WNK1: variants seen among roughly 807,000 people sequenced by gnomAD.
The protein encoded by WNK1 is serine/threonine-protein kinase WNK1.
In WNK1, 38 loss-of-function variants were observed where a neutral mutation model predicts 222.8. The ratio of observed to expected loss-of-function variants is 0.17; its 90% CI spans 0.13 to 0.22. The LOEUF (loss-of-function observed/expected upper bound fraction) is 0.22, where lower values mean the gene tolerates loss of function less well. WNK1 is among the 10% of genes least tolerant of loss of function. The pLI, the probability that WNK1 is intolerant of heterozygous loss-of-function variation, is 1.00. For missense variants in WNK1, 2,348 were observed against 2,918.4 expected, an observed-to-expected ratio of 0.80 and a Z score of 4.50; for synonymous variants, 1,090 against 1,092.9, an observed-to-expected ratio of 1.00 and a Z score of 0.05.
Position 753,525 on chromosome 12 carries a change from C to T in WNK1, c.-41C>T. ...CTCGGCCCTTCACGCCCTTTTCGTT[C>T]ACGAATCCGAGCCCGCTCGCCTCTC... On this transcript the variant is annotated 5_prime_UTR_variant, in exon 1 of 28. Transcript: ENST00000315939. The surrounding 1 kb of genome is among the most constrained non-coding windows in gnomAD (Gnocchi z 5.2). 6.2e-7 allele frequency: 1 copy of T among 1,610,398 alleles called. No homozygotes were observed. Among genetic ancestry groups the T allele is most frequent in the Non-Finnish European group, 8.5e-7 (1 of 1,179,580 alleles).
chr12:776,257 A>G (rs1042123212), intron 1 of WNK1, among the ~76,000 whole-genome samples: 2 of 151,276 alleles, frequency 1.3e-5, no homozygotes, highest in African/African-American at 2.4e-5. Context: ...CTGGTCTCCA[A>G]CTCTTGGCCA....
At chr12:803,024 A>C (rs1013415356) in intron 1 of WNK1, among the ~76,000 whole-genome samples, 4 of 152,242 alleles carry the variant, frequency 2.6e-5, no homozygotes, top group Admixed American at 6.5e-5. Flanking sequence ...GGGACATCAC[A>C]CAAAAAAGAA....
intron 10 of WNK1, 96 bp from the exon 11 acceptor site, chr12:879,477 T>TTGGCTAATACATAAA: frequency 1.5e-5 from 12 of 782,206 alleles, no homozygotes; most frequent in Admixed American, 1.2e-4. Flanking sequence ...TTCCTTCTTT[T>TTGGCTAATACATAAA]TGGCTAATAC....
chr12:791,567 A>C (rs1944844871), intron 1 of WNK1, among the ~76,000 whole-genome samples: 1 of 152,092 alleles, frequency 6.6e-6, no homozygotes, highest in South Asian at 2.1e-4. Flanking sequence ...TTTTTAAAAA[A>C]AAAAAAACTA....
In WNK1 at chr12:883,544, T is replaced by A. The variant is rs1193267262; in HGVS notation, c.3639T>A (p.Asp1213Glu). ...GATTGGAGAGTCTACAAGGAAAGGA[T>A]GACTATGGCTTTTCAGGTTCTCAGG... ...DQGLESLQGKDDYGFSGSQKL... is the reference protein window; with the variant it reads ...DQGLESLQGKEDYGFSGSQKL... The change falls in exon 16 of 28, where the codon GAT (aspartate) becomes GAA (glutamate). Residue 1213 changes from aspartate to glutamate, a missense_variant. Physicochemically the swap from Asp to Glu is conservative, Grantham distance 45. Around this residue, in one of 13 missense-constraint regions of WNK1, gnomAD observed 1,144 missense variants for 1,273.6 expected, o/e 0.90. Coordinates refer to ENST00000315939, the MANE Select transcript of WNK1 (RefSeq NM_018979.4). The A allele has an allele frequency of 6.2e-7, 1 of 1,614,178 alleles. No homozygotes were observed. The highest frequency in any genetic ancestry group is 1.3e-5 in the African/African-American group (1 of 75,048).
intron 1 of WNK1, among the ~76,000 whole-genome samples, chr12:798,896 C>T (rs1285269770): frequency 6.6e-6 from 1 of 152,114 alleles, no homozygotes; most frequent in Non-Finnish European, 1.5e-5. Flanking sequence ...TCTCTACCAT[C>T]TATTGTACGG....
Position 878,256 on chromosome 12 carries a change from G to A in WNK1, c.2268G>A (p.Gln756=), listed in dbSNP as rs138392972. 2.5e-5 allele frequency: 41 copies of A among 1,613,990 alleles called. No homozygotes were observed. The African/African-American group carries it at 4.9e-4, about 19-fold the overall frequency. Residue 756 remains glutamine, a synonymous_variant, in exon 10 of 28, where the codon CAG becomes CAA. Coordinates refer to ENST00000315939, the MANE Select transcript of WNK1 (RefSeq NM_018979.4). The stretch of plus-strand genomic sequence containing the variant: ...CAGCCCCTCCTCAACAGACAGTGCA[G>A]TATTCACTTTCACAGACATCAACCT... ...QQTAPPQQTV[Q]YSLSQTSTSS... is the part of the protein sequence containing the mutation.
chr12:907,840 A>G lies in WNK1; in HGVS notation c.6644-7A>G. The stretch of plus-strand genomic sequence containing the variant: ...TTTTAATGCTCGTATTCTGTTGCTT[A>G]TAATAGGAACCAGCAGCACAAACAC... On this transcript the variant is annotated splice_region_variant and splice_polypyrimidine_tract_variant and intron_variant, in intron 26 of 27. Transcript: ENST00000315939. 5 of 1,613,196 alleles carry G rather than the reference A, an allele frequency of 3.1e-6. No individual in the cohort carries two copies. The highest frequency in any genetic ancestry group is 4.2e-6 in the Non-Finnish European group (5 of 1,179,996).
intron 21 of WNK1, among the ~76,000 whole-genome samples, chr12:890,033 A>G (rs905805858): frequency 1.9e-4 from 29 of 150,844 alleles, no homozygotes; most frequent in African/African-American, 6.6e-4. Context: ...GCTCACTGCA[A>G]CCATCACCTC....
chr12:880,734 G>A lies in WNK1; in HGVS notation c.2846G>A (p.Arg949Gln), dbSNP rs754209005. The part of the protein sequence containing the change: ...GDVLYQGFPP[R>Q]LPPQYPGDSN... ...TTTCTGTCACAGGGCTTCCCACCTC[G>A]ACTGCCACCACAGTACCCAGGAGAT... is the stretch of plus-strand genomic sequence containing the variant. Residue 949 changes from arginine (R) to glutamine (Q), a missense_variant, in exon 12 of 28, where the codon CGA (arginine) becomes CAA (glutamine). Transcript: ENST00000315939. 3 of 1,612,446 alleles carry A rather than the reference G, an allele frequency of 1.9e-6. No homozygotes were observed. The highest frequency in any genetic ancestry group is 2.2e-5 in the East Asian group (1 of 44,812).
intron 1 of WNK1, among the ~76,000 whole-genome samples, chr12:770,719 C>T (rs1221100540): frequency 6.6e-6 from 1 of 152,090 alleles, no homozygotes; most frequent in African/African-American, 2.4e-5. Context: ...GGGTTTTAAA[C>T]TCTTAGTGGT....
At chr12:768,673 G>C (rs1428306833) in intron 1 of WNK1, among the ~76,000 whole-genome samples, 2 of 152,050 alleles carry the variant, frequency 1.3e-5, no homozygotes, top group Non-Finnish European at 2.9e-5. Context: ...GTGTGTACTT[G>C]GTGTGAATAC....
intron 9 of WNK1, among the ~76,000 whole-genome samples, chr12:871,613 T>G (rs552603858): frequency 6.6e-6 from 1 of 152,102 alleles, no homozygotes; most frequent in South Asian, 2.1e-4. Flanking sequence ...ATTCTACACC[T>G]TTTTTTTGAG....
At chr12:848,496 C>CTTTTTTTTTTT (rs10644583) in intron 4 of WNK1, among the ~76,000 whole-genome samples, 67 of 99,244 alleles carry the variant, frequency 6.8e-4, no homozygotes, top group African/African-American at 9.0e-4. Flanking sequence ...CCAGTAAAAA[C>CTTTTTTTTTTT]TTTTTTTTTT....
At chr12:754,552 G>A (rs890561480) in intron 1 of WNK1, among the ~76,000 whole-genome samples, 2 of 152,210 alleles carry the variant, frequency 1.3e-5, no homozygotes, top group African/African-American at 2.4e-5. Context: ...ACCGGGCAGC[G>A]GTGGTGAAGG....
At chr12:849,189 G>A (rs1950242344) in intron 4 of WNK1, among the ~76,000 whole-genome samples, 1 of 152,186 alleles carries the variant, frequency 6.6e-6, no homozygotes, top group Non-Finnish European at 1.5e-5. Context: ...TAGTTGCTTT[G>A]AGATAGCTTG....
At position 884,795 on chromosome 12, in the gene WNK1, C is replaced by A. The variant is rs200513331; in HGVS notation, c.3991C>A (p.Pro1331Thr). The A allele has an allele frequency of 1.2e-5, 20 of 1,614,090 alleles. No homozygotes were observed. Among genetic ancestry groups the A allele is most frequent in the Non-Finnish European group, 1.7e-5 (20 of 1,180,042 alleles). ...TAPPNFSHTG[P>T]TFPVVPPFLS... is the part of the protein sequence containing the mutation. ...ACCTCCAAACTTTAGTCATACAGGA[C>A]CAACATTTCCAGTAGTACCTCCTTT... Residue 1331 changes from proline (P) to threonine (T), a missense_variant, in exon 19 of 28, where the codon CCA (proline) becomes ACA (threonine). By Grantham distance (38) the Pro-to-Thr change is conservative (BLOSUM62 -1). Coordinates refer to ENST00000315939, the MANE Select transcript of WNK1 (RefSeq NM_018979.4). This position sits in a 1 kb window ranked among gnomAD's most constrained non-coding sequence, Gnocchi z 5.6.
intron 4 of WNK1, among the ~76,000 whole-genome samples, chr12:837,086 G>A (rs1382628036): frequency 1.3e-5 from 2 of 152,136 alleles, no homozygotes; most frequent in Admixed American, 1.3e-4. Flanking sequence ...TGAACGATTC[G>A]TGAATTGAGC....
At chr12:883,720 C>T (rs1041483457) in intron 16 of WNK1, 54 bp from the exon 17 acceptor site, 3 of 1,608,620 alleles carry the variant, frequency 1.9e-6, no homozygotes, top group East Asian at 4.5e-5. Flanking sequence ...TTTGCTTTGC[C>T]TAGTCATTGA....
Sources: gnomAD v4.1 joint callset for allele counts (sites outside exome capture counted in the v4.1 genomes callset) on GRCh38, gnomAD v4.1.1 for gene constraint, gnomAD v4.1.1 regional missense constraint, Gnocchi (gnomAD v3.1) non-coding constraint, MANE v1.5 for transcripts, NCBI Gene and HGNC (gene_info 2026-07-23, HGNC 2026-07-21) for gene names.